Variants in PDE11A observed in about 807,000 individuals in gnomAD.
PDE11A encodes phosphodiesterase 11A, also known as dual 3',5'-cyclic-AMP and -GMP phosphodiesterase 11A.
PDE11A carries 100 observed loss-of-function variants against 100.5 expected under a neutral mutation model. That is an observed-to-expected ratio of 1.00 (90% confidence interval 0.85 to 1.18). The LOEUF is 1.18. Among genes scored for constraint, PDE11A ranks in the 50% most tolerant of loss-of-function variants. The pLI, the probability that PDE11A is intolerant of heterozygous loss-of-function variation, is 0.00. For missense variants in PDE11A, 1,141 were observed against 1,152.6 expected (o/e 0.99, Z 0.15); for synonymous variants, 381 against 420.8 (o/e 0.91, Z 1.16).
intron 2 of PDE11A, among the ~76,000 whole-genome samples, chr2:178,010,761 T>C (rs185481538): frequency 1.3e-5 from 2 of 152,312 alleles, no homozygotes; most frequent in African/African-American, 4.8e-5. Flanking sequence ...AATATATTCG[T>C]ATGTGGACGC....
intron 19 of PDE11A, among the ~76,000 whole-genome samples, chr2:177,640,700 A>G: frequency 6.6e-6 from 1 of 152,250 alleles, no homozygotes; most frequent in East Asian, 1.9e-4. Context: ...TTGGCTGGAA[A>G]TCACTTTGGC....
chr2:177,737,449 A>ACACACACACAC (rs55844103), intron 10 of PDE11A, among the ~76,000 whole-genome samples: 28 of 147,964 alleles, frequency 1.9e-4, no homozygotes, highest in East Asian at 6.1e-4. Flanking sequence ...ACACACACAC[A>ACACACACACAC]AATTAGCCAG....
At chr2:177,692,575 C>A (rs529486109) in intron 15 of PDE11A, among the ~76,000 whole-genome samples, 2 of 152,252 alleles carry the variant, frequency 1.3e-5, no homozygotes, top group Non-Finnish European at 2.9e-5. Flanking sequence ...TTATCAAATC[C>A]TTATTCACTG....
At chr2:177,790,063 A>G (rs2082606264) in intron 9 of PDE11A, among the ~76,000 whole-genome samples, 1 of 152,122 alleles carries the variant, frequency 6.6e-6, no homozygotes, top group Non-Finnish European at 1.5e-5. Context: ...TGGAACCAAA[A>G]AGAGCCCGCA....
intron 18 of PDE11A, among the ~76,000 whole-genome samples, chr2:177,669,171 G>A (rs767407600): frequency 2.6e-5 from 4 of 152,194 alleles, no homozygotes; most frequent in Non-Finnish European, 4.4e-5. Context: ...TTGATGCACA[G>A]TGTTTCTATT....
chr2:178,001,682 T>C (rs571491819), intron 2 of PDE11A, among the ~76,000 whole-genome samples: 3 of 152,196 alleles, frequency 2.0e-5, no homozygotes, highest in African/African-American at 7.2e-5. Flanking sequence ...TGTTTAATCC[T>C]GCCACTGGGT....
At chr2:177,933,489 T>A (rs10165089) in intron 2 of PDE11A, among the ~76,000 whole-genome samples, 13,145 of 152,050 alleles carry the variant, frequency 0.086, 539 homozygotes, top group South Asian at 0.099. Context: ...GAGACCAGCT[T>A]GATCAATATG....
intron 2 of PDE11A, among the ~76,000 whole-genome samples, chr2:178,004,768 C>T (rs1050653423): frequency 2.6e-5 from 4 of 151,990 alleles, no homozygotes; most frequent in Non-Finnish European, 2.9e-5. Flanking sequence ...CTCTCCTTAC[C>T]CCCCAAACTT....
chr2:178,058,582 C>T (rs1262551953), intron 1 of PDE11A, among the ~76,000 whole-genome samples: 1 of 152,196 alleles, frequency 6.6e-6, no homozygotes, highest in Non-Finnish European at 1.5e-5. Flanking sequence ...TTCCCAGTCT[C>T]GGGTATGTCT....
intron 1 of PDE11A, among the ~76,000 whole-genome samples, chr2:178,038,465 T>C (rs1210575215): frequency 2.0e-5 from 3 of 151,968 alleles, no homozygotes; most frequent in African/African-American, 7.3e-5. Context: ...AGAAAAAATA[T>C]TTGTAATACA....
intron 2 of PDE11A, among the ~76,000 whole-genome samples, chr2:178,101,311 G>A (rs1273940434): frequency 1.3e-5 from 2 of 152,162 alleles, no homozygotes; most frequent in Admixed American, 6.5e-5. Context: ...AGACCCATAG[G>A]GTGACAGCTG....
rs1279675431 is a variant in PDE11A at position 177,628,861 on chromosome 2, C to T, written c.*546G>A. 1.2e-5 allele frequency: 2 copies of T among 173,018 alleles called. No homozygotes were observed. The highest frequency in any genetic ancestry group is 3.1e-4 in the East Asian group (2 of 6,546). The allele number at this position is 173,018 out of a possible 1,614,324, so 10.7% of individuals were successfully genotyped here. On this transcript the variant is annotated 3_prime_UTR_variant, in exon 20 of 20. Transcript: ENST00000286063. ...GTATTTATAAGGATAGTATAGTTTA[C>T]CTTTTAGGTAGGCAATTCTAAAGGA...
intron 5 of PDE11A, among the ~76,000 whole-genome samples, chr2:177,848,456 G>A (rs967136071): frequency 6.6e-6 from 1 of 152,138 alleles, no homozygotes; most frequent in Non-Finnish European, 1.5e-5. Context: ...TAATTGTAAA[G>A]AAATCCTTTA....
intron 2 of PDE11A, among the ~76,000 whole-genome samples, chr2:177,927,328 C>T (rs907202783): frequency 3.3e-5 from 5 of 152,190 alleles, no homozygotes; most frequent in Non-Finnish European, 4.4e-5. Flanking sequence ...TGCCACTTGT[C>T]GTACTTATGT....
intron 2 of PDE11A, among the ~76,000 whole-genome samples, chr2:177,934,236 C>T (rs1264685602): frequency 6.6e-6 from 1 of 152,152 alleles, no homozygotes; most frequent in Admixed American, 6.5e-5. Context: ...AACTATGCAT[C>T]AGACAAAGGT....
chr2:177,723,249 G>A (rs1310279798), intron 12 of PDE11A: 1 of 152,038 alleles, frequency 6.6e-6, no homozygotes, highest in Admixed American at 6.6e-5. Context: ...CTGCTTTCTA[G>A]TTTGAATTAT....
intron 2 of PDE11A, among the ~76,000 whole-genome samples, chr2:178,088,995 G>C (rs2087390038): frequency 2.0e-5 from 3 of 152,176 alleles, no homozygotes; most frequent in African/African-American, 7.2e-5. Flanking sequence ...TGCACTCAAA[G>C]AGTAATTTCC....
chr2:177,940,697 G>A (rs1196811083), intron 2 of PDE11A, among the ~76,000 whole-genome samples: 1 of 152,210 alleles, frequency 6.6e-6, no homozygotes, highest in Non-Finnish European at 1.5e-5. Context: ...ATTAATAGCT[G>A]TCATGGGATA....
intron 2 of PDE11A, chr2:178,092,568 A>T (rs1048948787): frequency 2.6e-5 from 4 of 152,138 alleles, no homozygotes; most frequent in African/African-American, 9.7e-5. Context: ...TTAAGACCAG[A>T]AAAGGTCATG....
Sources: allele counts gnomAD v4.1 joint callset (sites outside exome capture counted in the v4.1 genomes callset), GRCh38; gene constraint gnomAD v4.1.1; transcripts MANE v1.5; gene names NCBI Gene and HGNC (gene_info 2026-07-23, HGNC 2026-07-21).